Variants in COL6A6 observed in about 807,000 individuals in gnomAD.
COL6A6 encodes collagen type VI alpha 6 chain.
In COL6A6, 183 loss-of-function variants were observed where a neutral mutation model predicts 208.6. The ratio of observed to expected loss-of-function variants is 0.88; its 90% CI spans 0.78 to 0.99. The LOEUF is 0.99. Ranked by LOEUF, COL6A6 falls within the 50% of genes least tolerant of loss-of-function variation. COL6A6 has a pLI of 0.00. For synonymous variants in COL6A6, 973 were observed against 1,011.8 expected, an observed-to-expected ratio of 0.96 and a Z score of 0.73; for missense variants, 2,816 against 2,815.2, an observed-to-expected ratio of 1.00 and a Z score of -0.01.
At chr3:130,538,728 G>C (rs747954183) in intron 1 of COL6A6, among the ~76,000 whole-genome samples, 1 of 152,174 alleles carries the variant, frequency 6.6e-6, no homozygotes, top group Non-Finnish European at 1.5e-5. Context: ...CTTACAGGTG[G>C]ATCCTAGTAT....
chr3:130,518,848 A>G (rs562863577), intron 1 of COL6A6, among the ~76,000 whole-genome samples: 2 of 152,196 alleles, frequency 1.3e-5, no homozygotes, highest in Non-Finnish European at 2.9e-5. Context: ...AAGGAGAAAA[A>G]AAATACCGTG....
chr3:130,544,368 C>T (rs967183396), intron 1 of COL6A6, among the ~76,000 whole-genome samples: 3 of 152,160 alleles, frequency 2.0e-5, no homozygotes, highest in Admixed American at 6.5e-5. Context: ...TAATATTCCT[C>T]TCTCTTTCTC....
At chr3:130,671,837 G>A (rs770348138) in intron 36 of COL6A6, among the ~76,000 whole-genome samples, 1 of 152,086 alleles carries the variant, frequency 6.6e-6, no homozygotes, top group Non-Finnish European at 1.5e-5. Context: ...AGAGAGCAGG[G>A]CACCCTCTTT....
rs1039737461 is a variant in COL6A6 at position 130,665,044 on chromosome 3, T to G, written c.6544T>G (p.Cys2182Gly). ...TCCACCAATAAACTTAAAAATAAAG[T>G]GCAACAGACTTAACTCTATAGATCC... ...KYPPINLKIK[C>G]NRLNSIDPKQ... The change falls in exon 36 of 37, where the codon TGC becomes GGC. Residue 2182 changes from cysteine to glycine, a missense_variant. Transcript: ENST00000358511. 3 of 1,609,918 alleles carry G rather than the reference T, an allele frequency of 1.9e-6. No individual in the cohort carries two copies. The highest frequency in any genetic ancestry group is 2.5e-6 in the Non-Finnish European group (3 of 1,177,976).
chr3:130,563,937 TG>T (rs958094644), intron 3 of COL6A6, among the ~76,000 whole-genome samples: 5 of 152,206 alleles, frequency 3.3e-5, no homozygotes, highest in African/African-American at 1.2e-4. Context: ...GCCACCCAGC[TG>T]ATCTCTGAGC....
intron 1 of COL6A6, among the ~76,000 whole-genome samples, chr3:130,548,702 T>A (rs1008953912): frequency 6.6e-6 from 1 of 152,210 alleles, no homozygotes; most frequent in Non-Finnish European, 1.5e-5. Flanking sequence ...CTCACAAAAG[T>A]GGGTTCTCTA....
rs1280464969 is a variant in COL6A6 at position 130,593,070 on chromosome 3, G to C, written c.4381G>C (p.Gly1461Arg). ...RGLNGQEGEV[G>R]ENGIDGLNGE... ...ATATCTATCTTTTCAGGGAGAAGTT[G>C]GGGAAAATGGAATTGACGGATTAAA... is the stretch of plus-strand genomic sequence containing the variant. The change falls in exon 16 of 37, where the codon GGG becomes CGG. Residue 1461 changes from glycine (G) to arginine (R), a missense_variant. By Grantham distance (125) the Gly-to-Arg change is moderately radical (BLOSUM62 -2). Transcript: ENST00000358511. The C allele has an allele frequency of 4.3e-6, 7 of 1,613,340 alleles. No individual in the cohort carries two copies. Among genetic ancestry groups the C allele is most frequent in the Non-Finnish European group, 5.1e-6 (6 of 1,179,406 alleles).
In COL6A6 at chr3:130,563,669, G is replaced by A. The variant is rs1006324562; in HGVS notation, c.661+5G>A. ...TTGATGACATCTTTGTAGAAGGTGGGCTTAGGATATGTGTATAGGAATGAT... is the reference window on the plus strand; with the variant it reads ...TTGATGACATCTTTGTAGAAGGTGGACTTAGGATATGTGTATAGGAATGAT... On this transcript the variant is annotated splice_donor_5th_base_variant and intron_variant, in intron 3 of 36. Transcript: ENST00000358511. The A allele has an allele frequency of 4.4e-6, 7 of 1,581,826 alleles. No individual in the cohort carries two copies. Among genetic ancestry groups the A allele is most frequent in the Non-Finnish European group, 6.1e-6 (7 of 1,152,762 alleles).
Position 130,535,900 on chromosome 3 carries a change from A to C in COL6A6, c.-32+18503A>C, listed in dbSNP as rs527423608. 3.9e-5 allele frequency among the ~76,000 whole-genome samples: 6 copies of C among 152,242 alleles called. No individual in the cohort carries two copies. The East Asian group carries it at 1.2e-3, about 29-fold the overall frequency. ...CAAATCCCATTTGTACTACTTTATCACTGTAGGACCTTAGAAAAGTTACCT... is the reference window on the plus strand; with the variant it reads ...CAAATCCCATTTGTACTACTTTATCCCTGTAGGACCTTAGAAAAGTTACCT... On this transcript the variant is annotated intron_variant, in intron 1 of 36. Coordinates refer to ENST00000358511, the MANE Select transcript of COL6A6 (RefSeq NM_001102608.3).
Position 130,568,520 on chromosome 3 carries a change from G to A in COL6A6, c.2317G>A (p.Glu773Lys), listed in dbSNP as rs774800733. The change falls in exon 6 of 37, where the codon GAG (glutamate) becomes AAG (lysine). Residue 773 changes from glutamate to lysine, a missense_variant. Coordinates refer to ENST00000358511, the MANE Select transcript of COL6A6 (RefSeq NM_001102608.3). ...TQLEEISGRP[E>K]MVFYVENFDI... Reference sequence around the variant, plus strand: ...GCTTGAGGAGATCAGTGGGAGGCCCGAGATGGTTTTTTATGTTGAGAATTT... The same window carrying A: ...GCTTGAGGAGATCAGTGGGAGGCCCAAGATGGTTTTTTATGTTGAGAATTT... 9.3e-6 allele frequency: 15 copies of A among 1,612,774 alleles called. No homozygotes were observed. Among genetic ancestry groups the A allele is most frequent in the African/African-American group, 6.7e-5 (5 of 74,906 alleles).
chr3:130,542,789 C>T (rs1010845004), intron 1 of COL6A6, among the ~76,000 whole-genome samples: 1 of 151,926 alleles, frequency 6.6e-6, no homozygotes, highest in African/African-American at 2.4e-5. Flanking sequence ...ATTTCTTATC[C>T]CTGATAACTT....
intron 33 of COL6A6, among the ~76,000 whole-genome samples, chr3:130,652,470 C>T (rs1375835312): frequency 6.6e-6 from 1 of 152,166 alleles, no homozygotes; most frequent in Non-Finnish European, 1.5e-5. Flanking sequence ...CAAGTTTCAT[C>T]CAACAGATGT....
intron 33 of COL6A6, among the ~76,000 whole-genome samples, chr3:130,657,815 G>A (rs1316554350): frequency 6.6e-6 from 1 of 152,176 alleles, no homozygotes; most frequent in Admixed American, 6.5e-5. Context: ...CAGAGAAAGA[G>A]GGTAGTCATT....
intron 1 of COL6A6, among the ~76,000 whole-genome samples, chr3:130,531,525 T>C (rs553792270): frequency 6.6e-6 from 1 of 152,310 alleles, no homozygotes; most frequent in South Asian, 2.1e-4. Flanking sequence ...CTCTTCCCTT[T>C]CCCCATCAAA....
chr3:130,674,484 GCT>G (rs2066311110), intron 36 of COL6A6, among the ~76,000 whole-genome samples: 2 of 152,250 alleles, frequency 1.3e-5, no homozygotes, highest in East Asian at 3.9e-4. Flanking sequence ...TCCCAGCCAG[GCT>G]CTTTCTGTGC....
At chr3:130,547,568 G>A (rs1449866402) in intron 1 of COL6A6, among the ~76,000 whole-genome samples, 1 of 152,262 alleles carries the variant, frequency 6.6e-6, no homozygotes, top group African/African-American at 2.4e-5. Flanking sequence ...TGCCGAGGCC[G>A]AGGAGGGGCT....
chr3:130,641,583 A>C, intron 28 of COL6A6, 69 bp from the exon 29 acceptor site: 1 of 704,846 alleles, frequency 1.4e-6, no homozygotes. Context: ...TTAATTTTTT[A>C]AAATTTGAAT....
chr3:130,640,735 A>G (rs907221860), intron 28 of COL6A6, among the ~76,000 whole-genome samples: 5 of 152,170 alleles, frequency 3.3e-5, no homozygotes, highest in African/African-American at 1.2e-4. Context: ...TATTTCTGAC[A>G]TCTAGTAAGC....
rs772475311 is a variant in COL6A6, at chr3:130,563,078, T to G, written c.75T>G (p.Tyr25Ter). The G allele has an allele frequency of 1.6e-5, 26 of 1,609,954 alleles. No homozygotes were observed. The highest frequency in any genetic ancestry group is 2.5e-6 in the Non-Finnish European group (3 of 1,177,390). ...TTTGTGGTTTTGCAGGCCCTGAGTA[T>G]GCAGATGTTGTGTTTTTGGTGGACA... Reference protein sequence around the residue: ...ISVNQDSGPEYADVVFLVDSS... With the variant: ...ISVNQDSGPE Residue 25 changes from tyrosine (Y) to a stop codon, truncating the protein, a stop_gained, in exon 3 of 37, where the codon TAT becomes TAG. Coordinates refer to ENST00000358511, the MANE Select transcript of COL6A6 (RefSeq NM_001102608.3). LOFTEE classifies it high-confidence loss of function.
Sources: gnomAD v4.1 joint callset for allele counts (sites outside exome capture counted in the v4.1 genomes callset) on GRCh38, gnomAD v4.1.1 for gene constraint, MANE v1.5 for transcripts, NCBI Gene and HGNC (gene_info 2026-07-23, HGNC 2026-07-21) for gene names.